Variants in VPS13B observed in about 807,000 individuals in gnomAD.
VPS13B encodes the protein intermembrane lipid transfer protein VPS13B.
VPS13B carries 285 observed loss-of-function variants against 426.4 expected under a neutral mutation model. The ratio of observed to expected loss-of-function variants is 0.67; its 90% CI spans 0.61 to 0.74. VPS13B has a LOEUF of 0.74. Among genes scored for constraint, VPS13B ranks in the 30% least tolerant of loss-of-function variants. The pLI, the probability that VPS13B is intolerant of heterozygous loss-of-function variation, is 0.00. For missense variants in VPS13B, 4,537 were observed against 4,782.6 expected, an observed-to-expected ratio of 0.95 and a Z score of 1.51; for synonymous variants, 1,676 against 1,676.4, an observed-to-expected ratio of 1.00 and a Z score of 0.01.
At chr8:99,873,880 T>C in intron 61 of VPS13B, among the ~76,000 whole-genome samples, 1 of 152,170 alleles carries the variant, frequency 6.6e-6, no homozygotes, top group Non-Finnish European at 1.5e-5. Flanking sequence ...CTGTCTGCCG[T>C]GAACACTTCC....
chr8:99,348,142 GT>G (rs889778434), intron 19 of VPS13B: 4 of 152,218 alleles, frequency 2.6e-5, no homozygotes, highest in Admixed American at 2.6e-4. Flanking sequence ...TCAATCATTC[GT>G]TAACACTGTT....
intron 28 of VPS13B, chr8:99,507,635 C>T: frequency 7.6e-7 from 1 of 1,320,800 alleles, no homozygotes; most frequent in Non-Finnish European, 1.1e-6. Context: ...CAGGCAGAGG[C>T]CATACCTAGC....
rs374075234 is a variant in VPS13B, at chr8:99,311,353, G to T, written c.2824+36099G>T. 2.6e-5 allele frequency among the ~76,000 whole-genome samples: 4 copies of T among 152,280 alleles called. No homozygotes were observed. In the East Asian group the frequency reaches 5.8e-4, roughly 22 times the overall value. On this transcript the variant is annotated intron_variant, in intron 19 of 61. Transcript: ENST00000357162. ...CACACTGCTTCAGATGTGTCCCAGA[G>T]ATTCTGGTATGTTGTGTCTTTTTTC...
At chr8:99,136,806 C>G (rs376954399) in intron 12 of VPS13B, 54 bp downstream of exon 12, 13 of 1,557,168 alleles carry the variant, frequency 8.3e-6, no homozygotes, top group Non-Finnish European at 1.2e-5. Context: ...GAAACAAAGC[C>G]TTCCTCAGAA....
intron 39 of VPS13B, among the ~76,000 whole-genome samples, chr8:99,755,220 A>G (rs1379762814): frequency 6.6e-6 from 1 of 152,044 alleles, no homozygotes; most frequent in Non-Finnish European, 1.5e-5. Context: ...AAGGCTAAGG[A>G]GGAGTTGAAG....
chr8:99,868,434 A>C lies in VPS13B; in HGVS notation c.11361A>C (p.Gly3787=). 6.2e-7 allele frequency: 1 copy of C among 1,613,582 alleles called. No homozygotes were observed. The highest frequency in any genetic ancestry group is 8.5e-7 in the Non-Finnish European group (1 of 1,179,828). ...IMGVFTKPIG[G]AAELVSQTGY... Reference sequence around the variant, plus strand: ...GGGTGTTCACAAAGCCCATCGGAGGAGCTGCTGAGCTGGTGTCACAGACTG... The same window carrying C: ...GGGTGTTCACAAAGCCCATCGGAGGCGCTGCTGAGCTGGTGTCACAGACTG... Residue 3787 remains glycine, a synonymous_variant, in exon 59 of 62, where the codon GGA becomes GGC. Coordinates refer to ENST00000357162, the MANE Select transcript of VPS13B (RefSeq NM_152564.5).
intron 35 of VPS13B, among the ~76,000 whole-genome samples, chr8:99,694,582 A>G (rs1831862198): frequency 9.7e-6 from 1 of 102,908 alleles, no homozygotes. Flanking sequence ...TAGACCTAAA[A>G]CCATAAAAAC....
At chr8:99,107,750 G>A (rs1847121855) in intron 5 of VPS13B, among the ~76,000 whole-genome samples, 1 of 152,112 alleles carries the variant, frequency 6.6e-6, no homozygotes, top group Admixed American at 6.5e-5. Flanking sequence ...TAAACATTCA[G>A]TTATGTTTTA....
chr8:99,307,495 C>T (rs1381126362), intron 19 of VPS13B, among the ~76,000 whole-genome samples: 1 of 151,970 alleles, frequency 6.6e-6, no homozygotes, highest in South Asian at 2.1e-4. Flanking sequence ...ATAGGTAGAA[C>T]ATTTTTTTTA....
intron 33 of VPS13B, among the ~76,000 whole-genome samples, chr8:99,602,620 A>G (rs1285641892): frequency 6.6e-6 from 1 of 152,198 alleles, no homozygotes; most frequent in African/African-American, 2.4e-5. Context: ...ACATGATTGT[A>G]TATTTAGAAA....
At chr8:99,658,788 G>GT (rs911261869) in intron 34 of VPS13B, among the ~76,000 whole-genome samples, 4 of 151,406 alleles carry the variant, frequency 2.6e-5, no homozygotes, top group Admixed American at 6.6e-5. Context: ...ATCGGGTGTT[G>GT]TTTTTTTTGT....
At chr8:99,427,414 T>C (rs1473636270) in intron 21 of VPS13B, among the ~76,000 whole-genome samples, 1 of 149,008 alleles carries the variant, frequency 6.7e-6, no homozygotes, top group African/African-American at 2.5e-5. Flanking sequence ...TTTGGTTCCA[T>C]ATGAACTTTA....
At chr8:99,721,269 A>T (rs960294762) in intron 39 of VPS13B, among the ~76,000 whole-genome samples, 1 of 152,198 alleles carries the variant, frequency 6.6e-6, no homozygotes, top group African/African-American at 2.4e-5. Context: ...CAATTTTAAG[A>T]GTTCTCAATT....
chr8:99,130,149 A>G (rs1448482377), intron 8 of VPS13B, among the ~76,000 whole-genome samples: 1 of 152,208 alleles, frequency 6.6e-6, no homozygotes, highest in Non-Finnish European at 1.5e-5. Flanking sequence ...TATGTTTCTT[A>G]AAGTTTGCTC....
At chr8:99,177,532 G>A (rs1012518874) in intron 16 of VPS13B, among the ~76,000 whole-genome samples, 9 of 152,086 alleles carry the variant, frequency 5.9e-5, no homozygotes, top group African/African-American at 2.2e-4. Flanking sequence ...AGGGCACAAA[G>A]AGCATTTGAC....
chr8:99,391,543 T>G lies in VPS13B; in HGVS notation c.2935-14T>G. On this transcript the variant is annotated splice_polypyrimidine_tract_variant and intron_variant, in intron 20 of 61. Transcript: ENST00000357162. ...ACTAAAAACTAAAAAGGTTTTCATT[T>G]TGTCTCTTTCCAGCAGCCTGTGGTA... The G allele has an allele frequency of 6.2e-7, 1 of 1,614,184 alleles. No individual in the cohort carries two copies.
In VPS13B at chr8:99,686,541, G is replaced by C. The variant is rs568810425; in HGVS notation, c.6047-12984G>C. On this transcript the variant is annotated intron_variant, in intron 35 of 61. Coordinates refer to ENST00000357162, the MANE Select transcript of VPS13B (RefSeq NM_152564.5). ...TCTACTTGGTGCTCCATTCTACTGAGAATGAGCTGGCACCCAAGCCACACA... is the reference window on the plus strand; with the variant it reads ...TCTACTTGGTGCTCCATTCTACTGACAATGAGCTGGCACCCAAGCCACACA... 2.0e-4 allele frequency among the ~76,000 whole-genome samples: 30 copies of C among 152,040 alleles called. 1 individual carries two copies. Among genetic ancestry groups the C allele is most frequent in the African/African-American group, 7.2e-4 (30 of 41,386 alleles).
At chr8:99,105,982 G>A (rs534746811) in intron 5 of VPS13B, among the ~76,000 whole-genome samples, 1 of 152,230 alleles carries the variant, frequency 6.6e-6, no homozygotes, top group South Asian at 2.1e-4. Flanking sequence ...TGTTTATTTA[G>A]TACCAGGGCT....
rs561148564 is a variant in VPS13B, at chr8:99,168,248, T to C, written c.2209-1791T>C. Among the ~76,000 whole-genome samples, 7 of 152,194 alleles carry C rather than the reference T, an allele frequency of 4.6e-5. No homozygotes were observed. The South Asian group carries it at 1.5e-3, about 32-fold the overall frequency. ...AGCATCTCTAGGCAACACAAAAGTA[T>C]AATAAAGACTTTTAAAAAAATGACA... is the stretch of plus-strand genomic sequence containing the variant. On this transcript the variant is annotated intron_variant, in intron 15 of 61. Transcript: ENST00000357162.
Sources: allele counts gnomAD v4.1 joint callset (sites outside exome capture counted in the v4.1 genomes callset), GRCh38; gene constraint gnomAD v4.1.1; transcripts MANE v1.5; gene names NCBI Gene and HGNC (gene_info 2026-07-23, HGNC 2026-07-21).